The following ROR2 variants were observed in gnomAD, a reference collection of about 807,000 sequenced individuals.
ROR2 encodes ROR family WNT receptor 2.
ROR2 carries 33 observed loss-of-function variants against 74.9 expected under a neutral mutation model. The ratio of observed to expected loss-of-function variants is 0.44; its 90% CI spans 0.33 to 0.59. The LOEUF is 0.59. ROR2 is among the 20% of genes least tolerant of loss of function. The pLI is 0.02. For synonymous variants in ROR2, 586 were observed against 558.7 expected (o/e 1.05, Z -0.69); for missense variants, 1,216 against 1,313.8 (o/e 0.93, Z 1.15).
chr9:91,748,302 T>C, intron 4 of ROR2, among the ~76,000 whole-genome samples: 1 of 143,944 alleles, frequency 6.9e-6, no homozygotes, highest in South Asian at 2.4e-4. Context: ...CCAAAGAGAA[T>C]AGACTTTAAG....
intron 2 of ROR2, 29 bp downstream of exon 2, chr9:91,775,712 A>C: frequency 6.2e-7 from 1 of 1,606,704 alleles, no homozygotes; most frequent in Non-Finnish European, 8.5e-7. Flanking sequence ...TTTGGAGGAC[A>C]TGGAGAGCAC....
rs761666918 is a variant in ROR2 at position 91,726,599 on chromosome 9, T to A, written c.1328A>T (p.Gln443Leu). ...KASASTPQRR[Q>L]LMASPSQDME... is the part of the protein sequence containing the mutation. ...GTCTTGGCTGGGCGAGGCCATCAGC[T>A]GTCGCCGCTGCGGTGTGGACGCAGA... The change falls in exon 8 of 9, where the codon CAG becomes CTG. Residue 443 changes from glutamine to leucine, a missense_variant. Gln to Leu is a moderately radical substitution (Grantham distance 113). Transcript: ENST00000375708. The A allele has an allele frequency of 2.5e-6, 4 of 1,613,834 alleles. No individual in the cohort carries two copies. In the South Asian group the frequency reaches 4.4e-5, roughly 18 times the overall value.
At chr9:91,869,737 T>C (rs117494812) in intron 1 of ROR2, among the ~76,000 whole-genome samples, 6,122 of 152,308 alleles carry the variant, frequency 0.04, 172 homozygotes, top group East Asian at 0.093. Flanking sequence ...ATTTTAGCAG[T>C]GGCTATACAA....
chr9:91,725,001 C>A lies in ROR2; in HGVS notation c.1493G>T (p.Gly498Val). ...GATGGCCACAGCCTGGGTCTGCTCCCCCGGGGCAGGGCCGAACAGGTGACC... is the reference window on the plus strand; with the variant it reads ...GATGGCCACAGCCTGGGTCTGCTCCACCGGGGCAGGGCCGAACAGGTGACC... Reference protein sequence around the residue: ...YKGHLFGPAPGEQTQAVAIKT... With the variant: ...YKGHLFGPAPVEQTQAVAIKT... The change falls in exon 9 of 9, where the codon GGG (glycine) becomes GTG (valine). Residue 498 changes from glycine (G) to valine (V), a missense_variant. Physicochemically the swap from Gly to Val is moderately radical, Grantham distance 109. Coordinates refer to ENST00000375708, the MANE Select transcript of ROR2 (RefSeq NM_004560.4). The A allele has an allele frequency of 1.2e-6, 2 of 1,613,904 alleles. No individual in the cohort carries two copies. The highest frequency in any genetic ancestry group is 1.7e-6 in the Non-Finnish European group (2 of 1,180,042).
chr9:91,833,291 TC>T (rs1828521719), intron 1 of ROR2, among the ~76,000 whole-genome samples: 1 of 152,114 alleles, frequency 6.6e-6, no homozygotes, highest in Non-Finnish European at 1.5e-5. Context: ...GGCTCCAGCG[TC>T]CTGCTCTGCA....
chr9:91,796,056 G>T (rs1781870123), intron 1 of ROR2, among the ~76,000 whole-genome samples: 1 of 152,184 alleles, frequency 6.6e-6, no homozygotes. Flanking sequence ...AAGAAAACCA[G>T]AGCAAAACCT....
intron 1 of ROR2, among the ~76,000 whole-genome samples, chr9:91,926,873 G>C (rs951599378): frequency 9.9e-5 from 15 of 152,158 alleles, no homozygotes; most frequent in East Asian, 1.9e-4. Context: ...CATGGGGAGA[G>C]AGCTTCTGTT....
intron 1 of ROR2, among the ~76,000 whole-genome samples, chr9:91,880,579 G>A (rs1830081443): frequency 6.6e-6 from 1 of 152,206 alleles, no homozygotes; most frequent in South Asian, 2.1e-4. Context: ...TCATTTGAAA[G>A]GGAAGGCCTA....
chr9:91,864,708 C>G, intron 1 of ROR2, among the ~76,000 whole-genome samples: 1 of 152,072 alleles, frequency 6.6e-6, no homozygotes, highest in Non-Finnish European at 1.5e-5. Flanking sequence ...CAGAAGGGAC[C>G]AGGGGGCCAG....
intron 1 of ROR2, among the ~76,000 whole-genome samples, chr9:91,816,816 A>C (rs921247569): frequency 2.4e-4 from 37 of 152,078 alleles, no homozygotes; most frequent in Admixed American, 2.4e-3. Flanking sequence ...AGAAGGGGGA[A>C]GAGACCAGCA....
intron 1 of ROR2, among the ~76,000 whole-genome samples, chr9:91,778,504 C>CCCTGT (rs1826500416): frequency 6.6e-6 from 1 of 152,216 alleles, no homozygotes; most frequent in African/African-American, 2.4e-5. Flanking sequence ...CAGGCAAGGT[C>CCCTGT]CCTGTCCTCG....
intron 1 of ROR2, among the ~76,000 whole-genome samples, chr9:91,818,865 G>A (rs1226245740): frequency 5.3e-5 from 8 of 152,036 alleles, no homozygotes; most frequent in Non-Finnish European, 8.8e-5. Context: ...CTCCCACCCT[G>A]AGCCCTACCC....
intron 2 of ROR2, among the ~76,000 whole-genome samples, chr9:91,767,257 T>C (rs905831978): frequency 3.9e-5 from 6 of 152,074 alleles, no homozygotes; most frequent in Non-Finnish European, 5.9e-5. Flanking sequence ...GTGTTTTTAA[T>C]AGAGACGGGG....
At chr9:91,947,541 C>A (rs1197519765) in intron 1 of ROR2, among the ~76,000 whole-genome samples, 4 of 152,146 alleles carry the variant, frequency 2.6e-5, no homozygotes, top group Non-Finnish European at 5.9e-5. Flanking sequence ...TTCTTCTAGA[C>A]GGATCACTAT....
intron 1 of ROR2, among the ~76,000 whole-genome samples, chr9:91,840,896 G>A (rs749033656): frequency 1.1e-4 from 16 of 152,254 alleles, no homozygotes; most frequent in Non-Finnish European, 2.2e-4. Context: ...GCATGCATTT[G>A]TTGTATCCTA....
chr9:91,833,475 C>T lies in ROR2; in HGVS notation c.98-57657G>A, dbSNP rs543262554. On this transcript the variant is annotated intron_variant, in intron 1 of 8. Transcript: ENST00000375708. ...TCAAGTCAAATCTCTTGAGGTCACC[C>T]TCAACTGATTCCAAGACAAAGACAA... Among the ~76,000 whole-genome samples, 144 of 152,262 alleles carry T rather than the reference C, an allele frequency of 9.5e-4. 1 individual carries two copies. The highest frequency in any genetic ancestry group is 3.3e-3 in the African/African-American group (136 of 41,548).
intron 1 of ROR2, among the ~76,000 whole-genome samples, chr9:91,838,537 G>A (rs761941582): frequency 2.6e-5 from 4 of 152,114 alleles, no homozygotes; most frequent in African/African-American, 7.2e-5. Flanking sequence ...ATCGGACTGC[G>A]GGGTTTCATT....
At chr9:91,779,532 G>A (rs574045435) in intron 1 of ROR2, among the ~76,000 whole-genome samples, 56 of 151,838 alleles carry the variant, frequency 3.7e-4, no homozygotes, top group Non-Finnish European at 1.8e-4. Flanking sequence ...CACCACGCCC[G>A]GCTAATTTTT....
chr9:91,806,695 T>C (rs1300757304), intron 1 of ROR2, among the ~76,000 whole-genome samples: 1 of 152,160 alleles, frequency 6.6e-6, no homozygotes, highest in African/African-American at 2.4e-5. Flanking sequence ...GTTCACGCCA[T>C]TCTCCTGCCT....
Sources: allele counts gnomAD v4.1 joint callset (sites outside exome capture counted in the v4.1 genomes callset), GRCh38; gene constraint gnomAD v4.1.1; transcripts MANE v1.5; gene names NCBI Gene and HGNC (gene_info 2026-07-23, HGNC 2026-07-21).